The following ASCC3 variants were observed in gnomAD, a reference collection of about 807,000 sequenced individuals.
The protein encoded by ASCC3 is activating signal cointegrator 1 complex subunit 3, also known as ASC-1 complex subunit P200.
Under a neutral mutation model 256.3 loss-of-function variants are expected in ASCC3, and 158 were observed. The observed-to-expected ratio is 0.62, with a 90% CI of 0.54 to 0.70. ASCC3 has a LOEUF of 0.70. Among genes scored for constraint, ASCC3 ranks in the 30% least tolerant of loss-of-function variants. ASCC3 has a pLI of 0.00. For synonymous variants in ASCC3, 948 were observed against 883.4 expected (o/e 1.07, Z -1.30); for missense variants, 2,259 against 2,626.0 (o/e 0.86, Z 3.05).
chr6:100,816,150 T>C (rs1268486045), intron 4 of ASCC3, among the ~76,000 whole-genome samples: 2 of 151,606 alleles, frequency 1.3e-5, no homozygotes, highest in Non-Finnish European at 2.9e-5. Flanking sequence ...AAAAAGCATA[T>C]GAAAAAAAGG....
In ASCC3 at chr6:100,710,070, G is replaced by A. The variant is rs140057520; in HGVS notation, c.2151+5392C>T. Among the ~76,000 whole-genome samples the A allele has an allele frequency of 3.1e-3, 465 of 152,218 alleles. 3 individuals carry two copies. The highest frequency in any genetic ancestry group is 0.017 in the Middle Eastern group (5 of 294). On this transcript the variant is annotated intron_variant, in intron 13 of 41. Transcript: ENST00000369162. The stretch of plus-strand genomic sequence containing the variant: ...CTTAAAGAAGGATCATAGTTATCCT[G>A]CTCTAATTCTTCTTTGCAGTAAGGC...
At chr6:100,696,805 G>C (rs988566848) in intron 13 of ASCC3, among the ~76,000 whole-genome samples, 2 of 151,882 alleles carry the variant, frequency 1.3e-5, no homozygotes, top group Non-Finnish European at 2.9e-5. Flanking sequence ...TAAAATTAAC[G>C]AAAGTATGAT....
In ASCC3 at chr6:100,819,468, G is replaced by T. The variant is rs9688463; in HGVS notation, c.802-13588C>A. Among the ~76,000 whole-genome samples the T allele has an allele frequency of 5.2e-3, 791 of 152,252 alleles. 7 individuals carry two copies. The highest frequency in any genetic ancestry group is 0.018 in the African/African-American group (761 of 41,538). ...ACAAGGTGAAGTCCCACAAAAGGCC[G>T]TCTGCAAGCTGAGAGCAAGGAAGCC... On this transcript the variant is annotated intron_variant, in intron 4 of 41. Transcript: ENST00000369162.
intron 36 of ASCC3, among the ~76,000 whole-genome samples, chr6:100,550,550 T>C (rs776018306): frequency 1.3e-5 from 2 of 151,960 alleles, no homozygotes; most frequent in Non-Finnish European, 2.9e-5. Context: ...GCTCCAATGG[T>C]AGAGGAAAAC....
intron 5 of ASCC3, among the ~76,000 whole-genome samples, chr6:100,801,717 T>G (rs1301500059): frequency 2.0e-5 from 3 of 151,910 alleles, no homozygotes; most frequent in Non-Finnish European, 2.9e-5. Context: ...TTATCTCTTA[T>G]TTTCCAATTA....
intron 8 of ASCC3, among the ~76,000 whole-genome samples, chr6:100,792,965 C>G (rs888424076): frequency 6.6e-6 from 1 of 151,844 alleles, no homozygotes; most frequent in African/African-American, 2.4e-5. Context: ...TGGAAATTAC[C>G]TTTATGAAAT....
At position 100,661,989 on chromosome 6, in the gene ASCC3, G is replaced by A; in HGVS notation, c.2520C>T (p.Asp840=). The A allele has an allele frequency of 6.2e-7, 1 of 1,613,174 alleles. No homozygotes were observed. The highest frequency in any genetic ancestry group is 1.1e-5 in the South Asian group (1 of 91,066). ...IYAAKRGSFV[D]LGILDVMQIF... ...TCTGCATGACATCTAAAATTCCAAG[G>A]TCAACAAAGGAGCCTCTTTTTGCAG... The change falls in exon 16 of 42, where the codon GAC becomes GAT. Residue 840 remains aspartate (D), a synonymous_variant. Transcript: ENST00000369162.
rs1014868351 is a variant in ASCC3 at position 100,662,373 on chromosome 6, T to C, written c.2450A>G (p.Asn817Ser). The stretch of plus-strand genomic sequence containing the variant: ...AATAATAACAGCATGGGCGGGAAGA[T>C]TGACACCCCAGGCTAACGTAGCTGT... ...VCTATLAWGV[N>S]LPAHAVIIKG... The change falls in exon 15 of 42, where the codon AAT (asparagine) becomes AGT (serine). Residue 817 changes from asparagine to serine, a missense_variant. Asn to Ser is a conservative substitution (Grantham distance 46). Transcript: ENST00000369162. 3 of 1,613,052 alleles carry C rather than the reference T, an allele frequency of 1.9e-6. No individual in the cohort carries two copies. Among genetic ancestry groups the C allele is most frequent in the East Asian group, 2.2e-5 (1 of 44,836 alleles).
intron 25 of ASCC3, among the ~76,000 whole-genome samples, chr6:100,636,730 A>C (rs915445868): frequency 6.6e-6 from 1 of 152,176 alleles, no homozygotes; most frequent in Non-Finnish European, 1.5e-5. Flanking sequence ...AATGATAAGA[A>C]AGTGAAAGTT....
chr6:100,562,116 A>G (rs1427451142), intron 36 of ASCC3, among the ~76,000 whole-genome samples: 1 of 151,744 alleles, frequency 6.6e-6, no homozygotes, highest in Non-Finnish European at 1.5e-5. Flanking sequence ...CTTATATTCC[A>G]TTGGACTGTC....
chr6:100,813,656 T>C (rs1770598701), intron 4 of ASCC3, among the ~76,000 whole-genome samples: 2 of 152,102 alleles, frequency 1.3e-5, no homozygotes, highest in Middle Eastern at 3.4e-3. Flanking sequence ...TGTTTGTGTA[T>C]AAGCAAAGTA....
intron 8 of ASCC3, among the ~76,000 whole-genome samples, chr6:100,781,540 C>T (rs953247697): frequency 7.2e-5 from 10 of 139,190 alleles, no homozygotes; most frequent in South Asian, 2.5e-4. Flanking sequence ...GGTGCCACCA[C>T]GCCTGGCTAA....
intron 13 of ASCC3, among the ~76,000 whole-genome samples, chr6:100,694,117 C>A (rs984576111): frequency 6.6e-6 from 1 of 151,878 alleles, no homozygotes; most frequent in Non-Finnish European, 1.5e-5. Context: ...ATCTCATCAT[C>A]CCTTTCATTT....
At chr6:100,514,119 T>G (rs752550455) in intron 39 of ASCC3, among the ~76,000 whole-genome samples, 2 of 152,264 alleles carry the variant, frequency 1.3e-5, no homozygotes, top group Non-Finnish European at 1.5e-5. Flanking sequence ...AAATGTAAAT[T>G]CAATGCAAAT....
chr6:100,763,903 T>C (rs897151859), intron 10 of ASCC3, among the ~76,000 whole-genome samples: 1 of 152,222 alleles, frequency 6.6e-6, no homozygotes, highest in South Asian at 2.1e-4. Flanking sequence ...GTCTGCATAC[T>C]TCTTACATCC....
At chr6:100,806,384 G>A (rs1451883541) in intron 4 of ASCC3, among the ~76,000 whole-genome samples, 1 of 151,936 alleles carries the variant, frequency 6.6e-6, no homozygotes, top group Non-Finnish European at 1.5e-5. Flanking sequence ...ACAAAGTGCT[G>A]CAAGTGCTTT....
intron 11 of ASCC3, 22 bp downstream of exon 11, chr6:100,725,517 C>T (rs765050363): frequency 6.2e-7 from 1 of 1,610,214 alleles, no homozygotes; most frequent in Non-Finnish European, 8.5e-7. Flanking sequence ...TCAAAATAAG[C>T]TTATACATAA....
rs1249224861 is a variant in ASCC3, at chr6:100,662,501, T to C, written c.2322A>G (p.Leu774=). ...QRSRNKQVRE[L]FPDGFSIHHA... ...GATGAATACTAAAACCATCTGGGAA[T>C]AATTCTCGTACTTGCTTATTTCTCG... Residue 774 remains leucine (L), a synonymous_variant, in exon 15 of 42, where the codon TTA becomes TTG. Coordinates refer to ENST00000369162, the MANE Select transcript of ASCC3 (RefSeq NM_006828.4). 1 of 1,613,198 alleles carries C rather than the reference T, an allele frequency of 6.2e-7. No individual in the cohort carries two copies. The highest frequency in any genetic ancestry group is 8.5e-7 in the Non-Finnish European group (1 of 1,179,410).
chr6:100,876,744 T>G (rs1048317743), intron 1 of ASCC3, among the ~76,000 whole-genome samples: 3 of 152,184 alleles, frequency 2.0e-5, no homozygotes, highest in African/African-American at 7.2e-5. Context: ...ATAATAAATA[T>G]TTAATGCCCC....
Sources: gnomAD v4.1 joint callset for allele counts (sites outside exome capture counted in the v4.1 genomes callset) on GRCh38, gnomAD v4.1.1 for gene constraint, MANE v1.5 for transcripts, NCBI Gene and HGNC (gene_info 2026-07-23, HGNC 2026-07-21) for gene names.